Variants in RARB observed in about 807,000 individuals in gnomAD.
The protein encoded by RARB is retinoic acid receptor beta.
Under a neutral mutation model 51.9 loss-of-function variants are expected in RARB, and 17 were observed. The observed-to-expected ratio is 0.33, with a 90% confidence interval of 0.22 to 0.49. RARB has a LOEUF of 0.49. Ranked by LOEUF, RARB falls within the 20% of genes least tolerant of loss-of-function variation. RARB has a pLI of 0.99. For missense variants in RARB, 369 were observed against 550.8 expected, an observed-to-expected ratio of 0.67 and a Z score of 3.30; for synonymous variants, 215 against 195.4, an observed-to-expected ratio of 1.10 and a Z score of -0.84.
At chr3:25,075,483 T>A (rs184319243) in intron 3 of RARB, among the ~76,000 whole-genome samples, 1 of 152,126 alleles carries the variant, frequency 6.6e-6, no homozygotes, top group Non-Finnish European at 1.5e-5. Flanking sequence ...ACCCTACATG[T>A]CCCTACTTGG....
chr3:25,242,154 G>GT (rs568737408), intron 5 of RARB, among the ~76,000 whole-genome samples: 2,971 of 150,708 alleles, frequency 0.02, 95 homozygotes, highest in African/African-American at 0.068. Context: ...TTTCAATGAG[G>GT]TTTTTTTTTC....
intron 5 of RARB, among the ~76,000 whole-genome samples, chr3:25,316,017 C>G (rs1023398133): frequency 1.3e-5 from 2 of 152,302 alleles, no homozygotes; most frequent in African/African-American, 4.8e-5. Flanking sequence ...CACCTAGATC[C>G]ACTAGACTGG....
chr3:25,518,807 A>G (rs73048038), intron 3 of RARB, among the ~76,000 whole-genome samples: 3,481 of 152,302 alleles, frequency 0.023, 56 homozygotes, highest in Non-Finnish European at 0.037. Context: ...TATAACTTAC[A>G]TATCTTAATG....
intron 2 of RARB, among the ~76,000 whole-genome samples, chr3:24,899,279 CCTTCCGT>C (rs1344478668): frequency 2.0e-5 from 3 of 152,278 alleles, no homozygotes; most frequent in African/African-American, 4.8e-5. Context: ...GCTAGCCCTA[CCTTCCGT>C]CATGAAAAGA....
At chr3:25,148,023 C>T (rs532648571) in intron 4 of RARB, among the ~76,000 whole-genome samples, 10 of 152,344 alleles carry the variant, frequency 6.6e-5, no homozygotes, top group African/African-American at 2.4e-4. Flanking sequence ...CTCTGGTCTG[C>T]CTTGTCTACA....
chr3:24,928,224 A>G (rs1695360842), intron 2 of RARB, among the ~76,000 whole-genome samples: 1 of 152,036 alleles, frequency 6.6e-6, no homozygotes, highest in East Asian at 1.9e-4. Context: ...ATCATAAATG[A>G]AGGGGTTCAT....
At chr3:24,847,620 T>C (rs1043656861) in intron 1 of RARB, among the ~76,000 whole-genome samples, 1 of 152,226 alleles carries the variant, frequency 6.6e-6, no homozygotes, top group Non-Finnish European at 1.5e-5. Flanking sequence ...ACCAGCTGTC[T>C]GGATGTGTCT....
At chr3:25,468,406 C>A (rs1006314100) in intron 2 of RARB, among the ~76,000 whole-genome samples, 1 of 125,782 alleles carries the variant, frequency 8.0e-6, no homozygotes, top group Non-Finnish European at 1.6e-5. Context: ...TAACCCATAG[C>A]GCTTTTATTT....
chr3:25,277,640 A>G (rs1575277972), intron 5 of RARB, among the ~76,000 whole-genome samples: 1 of 152,310 alleles, frequency 6.6e-6, no homozygotes, highest in South Asian at 2.1e-4. Context: ...GTGCAATTCT[A>G]TTGTCTTAAA....
chr3:24,997,244 T>C (rs1309120520), intron 2 of RARB, among the ~76,000 whole-genome samples: 4 of 152,198 alleles, frequency 2.6e-5, no homozygotes, highest in Non-Finnish European at 5.9e-5. Flanking sequence ...AGCTTTTAAC[T>C]TGAAATCTGT....
chr3:25,501,364 T>C (rs370282984), intron 3 of RARB, 41 bp downstream of exon 3: 52 of 1,596,738 alleles, frequency 3.3e-5, no homozygotes, highest in Admixed American at 7.3e-5. Context: ...GTTTTCCTTA[T>C]CTCTGTGATT....
At chr3:25,382,439 AG>A in intron 5 of RARB, among the ~76,000 whole-genome samples, 1 of 152,330 alleles carries the variant, frequency 6.6e-6, no homozygotes, top group Non-Finnish European at 1.5e-5. Flanking sequence ...TGGACTGGGT[AG>A]CCTCATCCAT....
At chr3:25,161,937 G>T (rs1168580542) in intron 4 of RARB, among the ~76,000 whole-genome samples, 1 of 152,076 alleles carries the variant, frequency 6.6e-6, no homozygotes, top group Non-Finnish European at 1.5e-5. Context: ...AGAAAGGCTA[G>T]ACCCTGTGCC....
intron 3 of RARB, among the ~76,000 whole-genome samples, chr3:25,523,356 G>A (rs904726952): frequency 5.3e-5 from 8 of 152,168 alleles, no homozygotes; most frequent in Non-Finnish European, 1.0e-4. Flanking sequence ...TTGGCAAAGC[G>A]AATGATATGA....
At chr3:25,401,064 A>G (rs899225135) in intron 5 of RARB, among the ~76,000 whole-genome samples, 1 of 152,148 alleles carries the variant, frequency 6.6e-6, no homozygotes, top group Admixed American at 6.5e-5. Flanking sequence ...AAGCCAAGCA[A>G]AAGAAAAGTT....
intron 2 of RARB, among the ~76,000 whole-genome samples, chr3:25,464,266 G>A (rs972419050): frequency 2.0e-5 from 3 of 152,028 alleles, no homozygotes; most frequent in African/African-American, 7.3e-5. Context: ...TTCATGATCT[G>A]TATAGCACAA....
At chr3:25,344,882 A>G (rs1456105359) in intron 5 of RARB, among the ~76,000 whole-genome samples, 1 of 152,162 alleles carries the variant, frequency 6.6e-6, no homozygotes, top group East Asian at 1.9e-4. Context: ...GAGAGAGTGG[A>G]AAGTTTTTAG....
intron 5 of RARB, among the ~76,000 whole-genome samples, chr3:25,232,552 G>A (rs1479688868): frequency 6.6e-6 from 1 of 151,884 alleles, no homozygotes; most frequent in African/African-American, 2.4e-5. Context: ...TTTGGCCAAC[G>A]TTTTGTCATT....
intron 4 of RARB, among the ~76,000 whole-genome samples, chr3:25,139,358 C>T (rs1395922848): frequency 1.3e-5 from 2 of 152,166 alleles, no homozygotes. Flanking sequence ...ATTAAAAGTG[C>T]TACTCCAGTG....
Sources: gnomAD v4.1 joint callset for allele counts (sites outside exome capture counted in the v4.1 genomes callset) on GRCh38, gnomAD v4.1.1 for gene constraint, MANE v1.5 for transcripts, NCBI Gene and HGNC (gene_info 2026-07-23, HGNC 2026-07-21) for gene names.